The following LDB2 variants were observed in gnomAD, a reference collection of about 807,000 sequenced individuals.
The protein encoded by LDB2 is LIM domain-binding protein 2.
Under a neutral mutation model 44.3 loss-of-function variants are expected in LDB2, and 12 were observed. The observed-to-expected ratio is 0.27, with a 90% CI of 0.17 to 0.44. The LOEUF is 0.44. Ranked by LOEUF, LDB2 falls within the 20% of genes least tolerant of loss-of-function variation. The pLI, the probability that LDB2 is intolerant of heterozygous loss-of-function variation, is 1.00. For synonymous variants in LDB2, 164 were observed against 174.8 expected, an observed-to-expected ratio of 0.94 and a Z score of 0.49; for missense variants, 344 against 473.5, an observed-to-expected ratio of 0.73 and a Z score of 2.54.
chr4:16,820,201 T>C (rs900448687), intron 1 of LDB2, among the ~76,000 whole-genome samples: 1 of 152,216 alleles, frequency 6.6e-6, no homozygotes, highest in African/African-American at 2.4e-5. Context: ...CTTAGACTTT[T>C]AAATTTCTTT....
At chr4:16,550,219 A>T (rs1195801024) in intron 5 of LDB2, among the ~76,000 whole-genome samples, 1 of 152,192 alleles carries the variant, frequency 6.6e-6, no homozygotes, top group Non-Finnish European at 1.5e-5. Flanking sequence ...TTGGCATATC[A>T]CTTTCTGTAG....
At chr4:16,638,437 C>T (rs1734213753) in intron 2 of LDB2, among the ~76,000 whole-genome samples, 1 of 152,166 alleles carries the variant, frequency 6.6e-6, no homozygotes, top group African/African-American at 2.4e-5. Flanking sequence ...TTAGAAGTCA[C>T]CTTGTCCAAC....
intron 3 of LDB2, among the ~76,000 whole-genome samples, chr4:16,592,629 A>C (rs1011533643): frequency 6.6e-6 from 1 of 151,854 alleles, no homozygotes; most frequent in African/African-American, 2.4e-5. Context: ...AGAAGGATGA[A>C]CTGTCAAAGA....
At chr4:16,866,831 G>A (rs75775388) in intron 1 of LDB2, among the ~76,000 whole-genome samples, 3,913 of 152,252 alleles carry the variant, frequency 0.026, 138 homozygotes, top group African/African-American at 0.083. Context: ...TGTGTTGTTT[G>A]CAGAGTATGG....
intron 5 of LDB2, among the ~76,000 whole-genome samples, chr4:16,578,462 A>G (rs1282394907): frequency 6.6e-6 from 1 of 152,260 alleles, no homozygotes; most frequent in African/African-American, 2.4e-5. Flanking sequence ...GGTGCTCAAC[A>G]TCACTGATCA....
intron 1 of LDB2, among the ~76,000 whole-genome samples, chr4:16,804,073 GAA>G (rs923961288): frequency 1.6e-4 from 24 of 152,144 alleles, no homozygotes; most frequent in Admixed American, 1.4e-3. Flanking sequence ...AAAGTTTAGA[GAA>G]AGTTTTTTTA....
chr4:16,809,740 A>ACAAACAAC (rs1779451683), intron 1 of LDB2, among the ~76,000 whole-genome samples: 1 of 149,642 alleles, frequency 6.7e-6, no homozygotes, highest in Non-Finnish European at 1.5e-5. Flanking sequence ...AAACAAACAA[A>ACAAACAAC]CAAAAAAAAA....
intron 2 of LDB2, among the ~76,000 whole-genome samples, chr4:16,728,999 A>C (rs903915738): frequency 1.3e-5 from 2 of 152,230 alleles, no homozygotes; most frequent in African/African-American, 2.4e-5. Flanking sequence ...TTTTATTGGA[A>C]GGACTTGGGT....
chr4:16,519,568 A>G (rs1445034075), intron 5 of LDB2, among the ~76,000 whole-genome samples: 3 of 151,172 alleles, frequency 2.0e-5, no homozygotes, highest in East Asian at 4.2e-4. Flanking sequence ...GAGCTAATAC[A>G]TGGCAAACTT....
rs147641994 is a variant in LDB2, at chr4:16,502,712, C to T, written c.1053G>A (p.Pro351=). The change falls in exon 8 of 8, where the codon CCG becomes CCA. Residue 351 remains proline, a synonymous_variant. Transcript: ENST00000304523. ...NNSPALGNNS[P]WNSKPPATQE... Reference sequence around the variant, plus strand: ...GAGTGGCGGGAGGTTTACTGTTCCACGGGCTGTTGTTCCCCAGCGCGGGTG... The same window carrying T: ...GAGTGGCGGGAGGTTTACTGTTCCATGGGCTGTTGTTCCCCAGCGCGGGTG... 74 of 1,613,926 alleles carry T rather than the reference C, an allele frequency of 4.6e-5. 1 individual carries two copies. The African/African-American group carries it at 8.1e-4, about 18-fold the overall frequency.
chr4:16,517,543 CT>C lies in LDB2; in HGVS notation c.616-5440del, dbSNP rs1278400324. On this transcript the variant is annotated intron_variant, in intron 5 of 7. Coordinates refer to ENST00000304523, the MANE Select transcript of LDB2 (RefSeq NM_001290.5). Reference sequence around the variant, plus strand: ...GCAGCAGCCTGCATGCAGGCTTGCACTTTTGTTTGGTCTCTTCCTGGGGTAG... The same window carrying C: ...GCAGCAGCCTGCATGCAGGCTTGCACTTTGTTTGGTCTCTTCCTGGGGTAG... 4.6e-5 allele frequency among the ~76,000 whole-genome samples: 7 copies of C among 152,248 alleles called. No homozygotes were observed. The East Asian group carries it at 1.2e-3, about 25-fold the overall frequency.
At chr4:16,895,693 A>T (rs977328134) in intron 1 of LDB2, among the ~76,000 whole-genome samples, 1 of 152,158 alleles carries the variant, frequency 6.6e-6, no homozygotes, top group Non-Finnish European at 1.5e-5. Context: ...TGCTTTGGCT[A>T]AATTCTCAAA....
intron 2 of LDB2, among the ~76,000 whole-genome samples, chr4:16,713,234 ATGGAAG>A (rs1756329080): frequency 6.6e-6 from 1 of 152,244 alleles, no homozygotes; most frequent in African/African-American, 2.4e-5. Context: ...TACTGGAGTG[ATGGAAG>A]TATTCTAAAA....
intron 2 of LDB2, among the ~76,000 whole-genome samples, chr4:16,729,695 A>G (rs913789167): frequency 2.0e-5 from 3 of 152,174 alleles, no homozygotes; most frequent in African/African-American, 7.2e-5. Context: ...CTGATAAAGA[A>G]AAAATACACC....
chr4:16,579,793 T>C (rs986036889), intron 5 of LDB2, among the ~76,000 whole-genome samples: 1 of 152,230 alleles, frequency 6.6e-6, no homozygotes, highest in African/African-American at 2.4e-5. Flanking sequence ...GCCTTCCATT[T>C]ACCAAACCAT....
intron 5 of LDB2, among the ~76,000 whole-genome samples, chr4:16,583,574 T>A (rs1715581390): frequency 6.6e-6 from 1 of 152,196 alleles, no homozygotes; most frequent in South Asian, 2.1e-4. Context: ...AAAAATTAGA[T>A]GATAAGGCTA....
At chr4:16,616,789 C>A (rs773558912) in intron 2 of LDB2, among the ~76,000 whole-genome samples, 3 of 152,146 alleles carry the variant, frequency 2.0e-5, no homozygotes, top group African/African-American at 7.2e-5. Context: ...AGTCCCCTGA[C>A]ACCACCCCAT....
rs150687426 is a variant in LDB2 at position 16,588,770 on chromosome 4, T to C, written c.471A>G (p.Thr157=). The change falls in exon 4 of 8, where the codon ACA becomes ACG. Residue 157 remains threonine, a synonymous_variant. Coordinates refer to ENST00000304523, the MANE Select transcript of LDB2 (RefSeq NM_001290.5). ...GGTATTGTCTAATGGTAAAGTGCCA[T>C]GTTTTGATTCTCATGAGATCATCAA... is the stretch of plus-strand genomic sequence containing the variant. The part of the protein sequence containing the change: ...FTFDDLMRIK[T]WHFTIRQYRE... The C allele has an allele frequency of 1.6e-5, 26 of 1,613,442 alleles. No individual in the cohort carries two copies. Among genetic ancestry groups the C allele is most frequent in the Non-Finnish European group, 2.1e-5 (25 of 1,179,462 alleles).
chr4:16,503,732 A>C (rs2152193596), intron 7 of LDB2, among the ~76,000 whole-genome samples: 1 of 152,332 alleles, frequency 6.6e-6, no homozygotes, highest in Non-Finnish European at 1.5e-5. Flanking sequence ...AATTACATTG[A>C]TGAAGCTGGT....
Sources: gnomAD v4.1 joint callset for allele counts (sites outside exome capture counted in the v4.1 genomes callset) on GRCh38, gnomAD v4.1.1 for gene constraint, MANE v1.5 for transcripts, NCBI Gene and HGNC (gene_info 2026-07-23, HGNC 2026-07-21) for gene names.